RNF144B: variants seen among roughly 807,000 people sequenced by gnomAD.
RNF144B encodes the protein ring finger protein 144B.
RNF144B carries 25 observed loss-of-function variants against 40.2 expected under a neutral mutation model. That is an observed-to-expected ratio of 0.62 (90% CI 0.45 to 0.87). RNF144B has a LOEUF of 0.87. RNF144B is among the 40% of genes least tolerant of loss of function. RNF144B has a pLI of 0.00. For missense variants in RNF144B, 365 were observed against 373.7 expected (o/e 0.98, Z 0.19); for synonymous variants, 145 against 136.3 (o/e 1.06, Z -0.44).
In RNF144B at chr6:18,441,543, A is replaced by G. The variant is rs1193222920; in HGVS notation, c.331+1799A>G. Among the ~76,000 whole-genome samples the G allele has an allele frequency of 6.6e-6, 1 of 152,122 alleles. No homozygotes were observed. The highest frequency in any genetic ancestry group is 1.9e-4 in the East Asian group (1 of 5,204). ...ACAGGCCTTGTTCCTAATTGTTTAC[A>G]TTTTAGGTAACATATCTGTTAGCTC... On this transcript the variant is annotated intron_variant, in intron 4 of 7. Coordinates refer to ENST00000259939, the MANE Select transcript of RNF144B (RefSeq NM_182757.4). This position sits in a 1 kb window ranked among gnomAD's most constrained non-coding sequence, Gnocchi z 4.9.
In RNF144B at chr6:18,464,018, G is replaced by C. The variant is rs760979104; in HGVS notation, c.771+638G>C. On this transcript the variant is annotated intron_variant, in intron 7 of 7. Transcript: ENST00000259939. This position sits in a 1 kb window ranked among gnomAD's most constrained non-coding sequence, Gnocchi z 6.1. ...CTCCACCTGGCCCTGTCCTTGACAC[G>C]TGGGGATTATTACAATTCAAGATGA... is the stretch of plus-strand genomic sequence containing the variant. 9.2e-5 allele frequency among the ~76,000 whole-genome samples: 14 copies of C among 152,254 alleles called. No individual in the cohort carries two copies. The highest frequency in any genetic ancestry group is 2.1e-4 in the Non-Finnish European group (14 of 68,022).
intron 4 of RNF144B, among the ~76,000 whole-genome samples, chr6:18,455,021 G>T (rs1372980153): frequency 3.3e-5 from 5 of 152,174 alleles, no homozygotes; most frequent in Admixed American, 1.3e-4. Context: ...TTTGATATGG[G>T]AGTCTTTCAC....
In RNF144B at chr6:18,465,697, C is replaced by CT. The variant is rs1259989296; in HGVS notation, c.*631dup. Reference sequence around the variant, plus strand: ...TGATCTCAGCTTCAAGCAGGTGAAACTGCTGTGCAGAGGGAGTTGCCCCTT... The same window carrying CT: ...TGATCTCAGCTTCAAGCAGGTGAAACTTGCTGTGCAGAGGGAGTTGCCCCTT... On this transcript the variant is annotated 3_prime_UTR_variant, in exon 8 of 8. Coordinates refer to ENST00000259939, the MANE Select transcript of RNF144B (RefSeq NM_182757.4). 6.6e-6 allele frequency: 1 copy of CT among 152,308 alleles called. No individual in the cohort carries two copies. Among genetic ancestry groups the CT allele is most frequent in the African/African-American group, 2.4e-5 (1 of 41,456 alleles). The allele number at this position is 152,308 out of a possible 1,614,324, so 9.4% of individuals were successfully genotyped here.
At position 18,392,901 on chromosome 6, in the gene RNF144B, A is replaced by C. The variant is rs1334849606; in HGVS notation, c.-37+5271A>C. Among the ~76,000 whole-genome samples the C allele has an allele frequency of 4.6e-5, 7 of 152,164 alleles. No homozygotes were observed. In the South Asian group the frequency reaches 1.2e-3, roughly 27 times the overall value. On this transcript the variant is annotated intron_variant, in intron 1 of 7. Transcript: ENST00000259939. ...ATTATTCTTTTAAAAAGGGCAGATC[A>C]TGAGGTCAGGAGATCAAGACCATCC...
At chr6:18,451,048 A>G (rs1351485278) in intron 4 of RNF144B, among the ~76,000 whole-genome samples, 1 of 152,186 alleles carries the variant, frequency 6.6e-6, no homozygotes, top group Non-Finnish European at 1.5e-5. Context: ...TCCATATATA[A>G]CTATTAAATA....
intron 3 of RNF144B, among the ~76,000 whole-genome samples, chr6:18,432,207 G>T (rs1433913388): frequency 6.6e-6 from 1 of 152,154 alleles, no homozygotes; most frequent in Non-Finnish European, 1.5e-5. Context: ...TTATATCAGA[G>T]ACTTAAGCAT....
At chr6:18,388,854 AG>A (rs923473724) in intron 1 of RNF144B, among the ~76,000 whole-genome samples, 2 of 152,038 alleles carry the variant, frequency 1.3e-5, no homozygotes, top group African/African-American at 4.8e-5. Context: ...AAAGTGGGAA[AG>A]GGAAAAACCT....
chr6:18,399,891 T>G (rs1245381560), intron 2 of RNF144B, among the ~76,000 whole-genome samples, 192 bp downstream of exon 2: 5 of 152,210 alleles, frequency 3.3e-5, no homozygotes, highest in Admixed American at 1.3e-4. Context: ...TTGTTTTAGC[T>G]GAGTATAATT....
rs763973096 is a variant in RNF144B at position 18,450,947 on chromosome 6, T to G, written c.332-6208T>G. Among the ~76,000 whole-genome samples, 2 of 152,178 alleles carry G rather than the reference T, an allele frequency of 1.3e-5. No homozygotes were observed. Among genetic ancestry groups the G allele is most frequent in the Non-Finnish European group, 2.9e-5 (2 of 68,020 alleles). ...TGTGTTTCCTGCTTTGTTTTATGAT[T>G]AGGAGGGACTAGTTTTACCCCCCTG... On this transcript the variant is annotated intron_variant, in intron 4 of 7. Transcript: ENST00000259939. The surrounding 1 kb of genome is among the most constrained non-coding windows in gnomAD (Gnocchi z 4.7).
At chr6:18,432,048 A>G (rs1269788893) in intron 3 of RNF144B, among the ~76,000 whole-genome samples, 1 of 152,240 alleles carries the variant, frequency 6.6e-6, no homozygotes, top group East Asian at 1.9e-4. Flanking sequence ...GAACACGTGC[A>G]GACTTTCCTT....
chr6:18,428,467 C>G (rs16880690), intron 3 of RNF144B, among the ~76,000 whole-genome samples: 13,699 of 151,930 alleles, frequency 0.09, 654 homozygotes, highest in Middle Eastern at 0.12. Flanking sequence ...TTCAATTGAT[C>G]TGTAGCAGGC....
intron 2 of RNF144B, among the ~76,000 whole-genome samples, chr6:18,402,701 A>C (rs1794817113): frequency 6.6e-6 from 1 of 152,320 alleles, no homozygotes; most frequent in Middle Eastern, 3.4e-3. Context: ...TCTGAGGAAC[A>C]CTGCTTTAAA....
intron 4 of RNF144B, among the ~76,000 whole-genome samples, chr6:18,445,578 C>T (rs1759063670): frequency 6.6e-6 from 1 of 152,108 alleles, no homozygotes; most frequent in Non-Finnish European, 1.5e-5. Flanking sequence ...CAGTTTAAGT[C>T]TTTGAATTTG....
At position 18,444,228 on chromosome 6, in the gene RNF144B, G is replaced by A. The variant is rs762849390; in HGVS notation, c.331+4484G>A. ...AGCAAAGAAATACTATCTGATATTG[G>A]TTGGTTATTCTACCCGCTTTCCACC... On this transcript the variant is annotated intron_variant, in intron 4 of 7. Coordinates refer to ENST00000259939, the MANE Select transcript of RNF144B (RefSeq NM_182757.4). This position sits in a 1 kb window ranked among gnomAD's most constrained non-coding sequence, Gnocchi z 4.3. 1.3e-5 allele frequency among the ~76,000 whole-genome samples: 2 copies of A among 152,118 alleles called. No individual in the cohort carries two copies. Among genetic ancestry groups the A allele is most frequent in the African/African-American group, 2.4e-5 (1 of 41,432 alleles).
chr6:18,443,329 C>G lies in RNF144B; in HGVS notation c.331+3585C>G, dbSNP rs1008122556. ...CCAGGCTGGATTGCAGTGGCACGAA[C>G]TCTGCCCACTGCAACTTCCGCCTCC... is the stretch of plus-strand genomic sequence containing the variant. On this transcript the variant is annotated intron_variant, in intron 4 of 7. Coordinates refer to ENST00000259939, the MANE Select transcript of RNF144B (RefSeq NM_182757.4). The surrounding 1 kb of genome is among the most constrained non-coding windows in gnomAD (Gnocchi z 4.7). 6.6e-6 allele frequency among the ~76,000 whole-genome samples: 1 copy of G among 152,094 alleles called. No individual in the cohort carries two copies. Among genetic ancestry groups the G allele is most frequent in the East Asian group, 1.9e-4 (1 of 5,190 alleles).
At position 18,387,491 on chromosome 6, in the gene RNF144B, G is replaced by C. The variant is rs764824556; in HGVS notation, c.-176G>C. 5.4e-6 allele frequency: 7 copies of C among 1,296,404 alleles called. No individual in the cohort carries two copies. The South Asian group carries it at 7.4e-5, about 14-fold the overall frequency. 80.3% of individuals were successfully genotyped at this position (1,296,404 alleles called of 1,614,324 possible). The stretch of plus-strand genomic sequence containing the variant: ...CTGTTGCAGTCTTGCAAAGTGTAAA[G>C]CTGTCAGCCGCAGAGCACGGAGGAA... On this transcript the variant is annotated 5_prime_UTR_variant, in exon 1 of 8. Coordinates refer to ENST00000259939, the MANE Select transcript of RNF144B (RefSeq NM_182757.4).
chr6:18,438,484 T>C (rs1758873994), intron 3 of RNF144B, among the ~76,000 whole-genome samples: 6 of 152,214 alleles, frequency 3.9e-5, no homozygotes, highest in Admixed American at 3.9e-4. Context: ...AAGTTATGTT[T>C]TACCACACTT....
intron 3 of RNF144B, among the ~76,000 whole-genome samples, chr6:18,431,116 C>T (rs1176258015): frequency 6.6e-6 from 1 of 151,954 alleles, no homozygotes; most frequent in Non-Finnish European, 1.5e-5. Context: ...GTGGTGGGCA[C>T]CTGTAATCCC....
intron 2 of RNF144B, among the ~76,000 whole-genome samples, chr6:18,411,193 C>T (rs1246146945): frequency 2.0e-5 from 3 of 151,694 alleles, no homozygotes; most frequent in African/African-American, 7.3e-5. Flanking sequence ...CCATGTTAGC[C>T]AGGATGGTCT....
Sources: gnomAD v4.1 joint callset for allele counts (sites outside exome capture counted in the v4.1 genomes callset) on GRCh38, gnomAD v4.1.1 for gene constraint, Gnocchi (gnomAD v3.1) non-coding constraint, MANE v1.5 for transcripts, NCBI Gene and HGNC (gene_info 2026-07-23, HGNC 2026-07-21) for gene names.